CNTN4: variants seen among roughly 807,000 people sequenced by gnomAD.
The protein encoded by CNTN4 is contactin-4.
Under a neutral mutation model 122.5 loss-of-function variants are expected in CNTN4, and 77 were observed. That is an observed-to-expected ratio of 0.63 (90% CI 0.52 to 0.76). The LOEUF is 0.76. Ranked by LOEUF, CNTN4 falls within the 30% of genes least tolerant of loss-of-function variation. CNTN4 has a pLI of 0.00. For synonymous variants in CNTN4, 512 were observed against 447.0 expected (o/e 1.15, Z -1.83); for missense variants, 1,256 against 1,259.1 (o/e 1.00, Z 0.04).
intron 3 of CNTN4, among the ~76,000 whole-genome samples, chr3:2,570,350 A>T (rs1041267492): frequency 6.6e-6 from 1 of 150,802 alleles, no homozygotes; most frequent in Admixed American, 6.6e-5. Flanking sequence ...ATTTTTAAAA[A>T]TTTTCCGTAA....
intron 2 of CNTN4, among the ~76,000 whole-genome samples, chr3:2,215,993 C>G (rs570506742): frequency 4.1e-5 from 6 of 148,070 alleles, no homozygotes; most frequent in Non-Finnish European, 7.4e-5. Context: ...CCTCAAAGAA[C>G]TAAAAGCAGA....
At chr3:2,363,236 T>A (rs993670559) in intron 3 of CNTN4, among the ~76,000 whole-genome samples, 1 of 152,230 alleles carries the variant, frequency 6.6e-6, no homozygotes, top group Non-Finnish European at 1.5e-5. Context: ...ATTTTTCAAA[T>A]GTCTCCTATG....
rs112921386 is a variant in CNTN4, at chr3:3,043,060, G to A, written c.2595G>A (p.Thr865=). 1.3e-5 allele frequency: 21 copies of A among 1,613,946 alleles called. No homozygotes were observed. The highest frequency in any genetic ancestry group is 2.7e-5 in the African/African-American group (2 of 74,898). Reference sequence around the variant, plus strand: ...GAAATCAGACATCAACAAAAATCACGAACTTAAAAGGCAGTGTGCTGTATC... The same window carrying A: ...GAAATCAGACATCAACAAAAATCACAAACTTAAAAGGCAGTGTGCTGTATC... ...TVGNQTSTKI[T]NLKGSVLYHL... is the part of the protein sequence containing the mutation. Residue 865 remains threonine (T), a synonymous_variant, in exon 22 of 25, where the codon ACG becomes ACA. Transcript: ENST00000418658.
At chr3:2,140,642 C>T (rs539496636) in intron 2 of CNTN4, among the ~76,000 whole-genome samples, 2 of 152,132 alleles carry the variant, frequency 1.3e-5, no homozygotes, top group South Asian at 4.1e-4. Flanking sequence ...AATAGCATCA[C>T]CTTGGGTATT....
At chr3:2,691,622 T>C (rs1430607398) in intron 4 of CNTN4, among the ~76,000 whole-genome samples, 1 of 152,150 alleles carries the variant, frequency 6.6e-6, no homozygotes, top group African/African-American at 2.4e-5. Flanking sequence ...CACAATAATA[T>C]TTCATCACGC....
intron 3 of CNTN4, among the ~76,000 whole-genome samples, chr3:2,439,036 T>C (rs1457611875): frequency 6.6e-6 from 1 of 152,190 alleles, no homozygotes; most frequent in Non-Finnish European, 1.5e-5. Flanking sequence ...TCAACTACCA[T>C]ACCTAGAATC....
At chr3:2,190,164 A>ATGAG (rs746462041) in intron 2 of CNTN4, among the ~76,000 whole-genome samples, 1 of 152,200 alleles carries the variant, frequency 6.6e-6, no homozygotes, top group Non-Finnish European at 1.5e-5. Context: ...TGCCCTGCTC[A>ATGAG]GTCTGTTCCA....
At chr3:2,593,305 C>A (rs2080590908) in intron 4 of CNTN4, among the ~76,000 whole-genome samples, 1 of 152,150 alleles carries the variant, frequency 6.6e-6, no homozygotes, top group African/African-American at 2.4e-5. Flanking sequence ...ATATTTAACT[C>A]CAATAAATAA....
At chr3:2,450,288 G>T (rs1243570435) in intron 3 of CNTN4, among the ~76,000 whole-genome samples, 1 of 151,792 alleles carries the variant, frequency 6.6e-6, no homozygotes, top group East Asian at 1.9e-4. Flanking sequence ...GATCACTTGA[G>T]CCTGGGAGGT....
rs941893036 is a variant in CNTN4, at chr3:2,473,705, T to C, written c.-88-97711T>C. 2.6e-5 allele frequency among the ~76,000 whole-genome samples: 4 copies of C among 152,106 alleles called. No individual in the cohort carries two copies. The East Asian group carries it at 7.7e-4, about 29-fold the overall frequency. ...TTCTTCTCATAAGCCAGAAAGTTAC[T>C]GGGGTAACAGTATACAACATTTGCC... On this transcript the variant is annotated intron_variant, in intron 3 of 24. Transcript: ENST00000418658.
intron 4 of CNTN4, among the ~76,000 whole-genome samples, chr3:2,587,456 A>C (rs2149621798): frequency 6.6e-6 from 1 of 152,334 alleles, no homozygotes; most frequent in South Asian, 2.1e-4. Flanking sequence ...TTTCAAGTGG[A>C]GATAAATTCT....
intron 2 of CNTN4, among the ~76,000 whole-genome samples, chr3:2,325,407 A>G (rs762440857): frequency 3.9e-5 from 6 of 152,230 alleles, no homozygotes; most frequent in Non-Finnish European, 8.8e-5. Context: ...TTTCTAATGT[A>G]GTAAATATCA....
intron 4 of CNTN4, among the ~76,000 whole-genome samples, chr3:2,724,910 C>T (rs1296658052): frequency 6.6e-6 from 1 of 151,886 alleles, no homozygotes; most frequent in African/African-American, 2.4e-5. Flanking sequence ...CTCTTGGGAG[C>T]GTTGGAGAGA....
At chr3:2,964,143 G>A (rs890025735) in intron 13 of CNTN4, among the ~76,000 whole-genome samples, 1 of 152,104 alleles carries the variant, frequency 6.6e-6, no homozygotes, top group East Asian at 1.9e-4. Context: ...GGATATTTAT[G>A]TTCAGACCTG....
At chr3:2,806,631 G>T (rs1289291462) in intron 6 of CNTN4, among the ~76,000 whole-genome samples, 2 of 152,250 alleles carry the variant, frequency 1.3e-5, no homozygotes, top group Non-Finnish European at 1.5e-5. Flanking sequence ...GTTTTGTTTT[G>T]CTGGGGAGCT....
chr3:2,260,739 T>G (rs1330297066), intron 2 of CNTN4, among the ~76,000 whole-genome samples: 2 of 151,528 alleles, frequency 1.3e-5, no homozygotes, highest in African/African-American at 4.8e-5. Context: ...TTTATTTTTT[T>G]TTTGAGACAA....
At chr3:2,527,103 G>C (rs1575855832) in intron 3 of CNTN4, among the ~76,000 whole-genome samples, 1 of 152,190 alleles carries the variant, frequency 6.6e-6, no homozygotes, top group Non-Finnish European at 1.5e-5. Flanking sequence ...TCCAGCTGCA[G>C]TGTGGGTGCA....
chr3:2,333,786 A>C (rs546256932), intron 2 of CNTN4, among the ~76,000 whole-genome samples: 1 of 152,324 alleles, frequency 6.6e-6, no homozygotes, highest in East Asian at 1.9e-4. Flanking sequence ...AATAACCCTG[A>C]TGTTAATACT....
chr3:2,156,929 A>G (rs1396893541), intron 2 of CNTN4, among the ~76,000 whole-genome samples: 1 of 152,192 alleles, frequency 6.6e-6, no homozygotes, highest in Non-Finnish European at 1.5e-5. Flanking sequence ...TATCTCTGGC[A>G]ACCATTTTGG....
Sources: gnomAD v4.1 joint callset for allele counts (sites outside exome capture counted in the v4.1 genomes callset) on GRCh38, gnomAD v4.1.1 for gene constraint, MANE v1.5 for transcripts, NCBI Gene and HGNC (gene_info 2026-07-23, HGNC 2026-07-21) for gene names.